The following CBR4 variants were observed in gnomAD, a reference collection of about 807,000 sequenced individuals.
CBR4 encodes 3-oxoacyl-[acyl-carrier-protein] reductase.
Under a neutral mutation model 21.0 loss-of-function variants are expected in CBR4, and 22 were observed. The ratio of observed to expected loss-of-function variants is 1.05; its 90% CI spans 0.75 to 1.50. CBR4 has a LOEUF of 1.50. Ranked by LOEUF, CBR4 falls within the 40% of genes most tolerant of loss-of-function variation. The pLI is 0.00. For synonymous variants in CBR4, 100 were observed against 104.4 expected (o/e 0.96, Z 0.26); for missense variants, 302 against 286.3 (o/e 1.05, Z -0.40).
At chr4:168,903,671 C>A in intron 2 of CBR4, 5 of 1,132,812 alleles carry the variant, frequency 4.4e-6, no homozygotes, top group South Asian at 3.7e-5. Flanking sequence ...ATCAGCTCTG[C>A]AAACCACACT....
Position 169,002,212 on chromosome 4 carries a change from CAAAAAAAAAAAAAA to C in CBR4, c.401-21_401-8del, listed in dbSNP as rs60552620. On this transcript the variant is annotated splice_region_variant and splice_polypyrimidine_tract_variant and intron_variant, in intron 3 of 4. Coordinates refer to ENST00000306193, the MANE Select transcript of CBR4 (RefSeq NM_032783.5). ...TTTAAGCCAACAATGCTTCCTAGGA[CAAAAAAAAAAAAAA>C]AAAAAAAAAAAGCGTATTAAATTCA... 147 of 1,016,946 alleles carry C rather than the reference CAAAAAAAAAAAAAA, an allele frequency of 1.4e-4. 1 individual carries two copies. The African/African-American group carries it at 3.3e-3, about 23-fold the overall frequency. 63.0% of individuals were successfully genotyped at this position (1,016,946 alleles called of 1,614,324 possible). A position where few individuals can be genotyped will look rare whatever the true frequency, so the allele number is the denominator to read the frequency against.
chr4:168,896,853 T>C (rs1314145927), intron 2 of CBR4, among the ~76,000 whole-genome samples: 1 of 152,072 alleles, frequency 6.6e-6, no homozygotes, highest in African/African-American at 2.4e-5. Flanking sequence ...TATTTTGAGA[T>C]GGAGTTTCGC....
intron 4 of CBR4, among the ~76,000 whole-genome samples, chr4:168,995,645 G>C (rs905282150): frequency 1.3e-5 from 2 of 152,004 alleles, no homozygotes; most frequent in Non-Finnish European, 2.9e-5. Flanking sequence ...TGGAAATTTT[G>C]CTCTACTCCC....
chr4:168,900,184 T>A (rs1756190420), intron 2 of CBR4, among the ~76,000 whole-genome samples: 1 of 152,116 alleles, frequency 6.6e-6, no homozygotes, highest in South Asian at 2.1e-4. Flanking sequence ...GCTAAACCAT[T>A]CATGAGGGAT....
intron 2 of CBR4, among the ~76,000 whole-genome samples, chr4:168,964,806 T>C (rs1763969273): frequency 6.6e-6 from 1 of 152,226 alleles, no homozygotes; most frequent in Non-Finnish European, 1.5e-5. Flanking sequence ...AAATATTTAT[T>C]GTGCAAGTAT....
chr4:168,992,551 G>A (rs545722459), intron 4 of CBR4, among the ~76,000 whole-genome samples: 3 of 152,084 alleles, frequency 2.0e-5, no homozygotes, highest in Admixed American at 1.3e-4. Context: ...TGCTATAGAA[G>A]GATACTTAAA....
chr4:168,986,621 C>T (rs747848777), downstream of CBR4, among the ~76,000 whole-genome samples: 23 of 152,110 alleles, frequency 1.5e-4, no homozygotes, highest in East Asian at 3.9e-4. Flanking sequence ...ATAAATATTT[C>T]GTGAATGAAT....
At position 169,002,085 on chromosome 4, in the gene CBR4, T is replaced by G. The variant is rs772380002; in HGVS notation, c.521A>C (p.Asn174Thr). Residue 174 changes from asparagine to threonine, a missense_variant, in exon 4 of 5, where the codon AAT (asparagine) becomes ACT (threonine). Transcript: ENST00000306193. ...KEVARKKIRVNVVAPGFVHTD... is the reference protein window; with the variant it reads ...KEVARKKIRVTVVAPGFVHTD... ...TTTTCACTAACCTGGTGCAACTACA[T>G]TCACTCTAATTTTCTTTCTTGCTAC... 1 of 1,585,786 alleles carries G rather than the reference T, an allele frequency of 6.3e-7. No homozygotes were observed. The highest frequency in any genetic ancestry group is 1.2e-5 in the South Asian group (1 of 85,188).
chr4:168,963,689 C>T (rs1188102406), intron 2 of CBR4, among the ~76,000 whole-genome samples: 4 of 151,874 alleles, frequency 2.6e-5, no homozygotes, highest in African/African-American at 9.7e-5. Context: ...AGGCTGGTCT[C>T]GAACTCCTTA....
intron 4 of CBR4, among the ~76,000 whole-genome samples, chr4:168,997,600 AT>A (rs1382602580): frequency 6.6e-6 from 1 of 152,180 alleles, no homozygotes; most frequent in Non-Finnish European, 1.5e-5. Context: ...TCTCAAAAAA[AT>A]TTTTAAACAA....
intron 2 of CBR4, among the ~76,000 whole-genome samples, chr4:168,949,664 A>T (rs1289547950): frequency 1.3e-5 from 2 of 152,064 alleles, no homozygotes; most frequent in African/African-American, 2.4e-5. Context: ...CTCTTTCTGT[A>T]TGTTGTGGAA....
intron 2 of CBR4, chr4:168,926,129 G>C (rs1762544010): frequency 8.6e-7 from 1 of 1,162,802 alleles, no homozygotes; most frequent in Admixed American, 2.8e-5. Flanking sequence ...CATCTATCTA[G>C]ACATTCTGTA....
chr4:168,907,161 G>A (rs561867912), intron 2 of CBR4, among the ~76,000 whole-genome samples: 1 of 152,006 alleles, frequency 6.6e-6, no homozygotes, highest in Non-Finnish European at 1.5e-5. Flanking sequence ...AATAGTACAT[G>A]TAAAAAGCAT....
intron 2 of CBR4, among the ~76,000 whole-genome samples, chr4:168,953,774 T>C (rs1173943068): frequency 6.6e-6 from 1 of 151,998 alleles, no homozygotes; most frequent in African/African-American, 2.4e-5. Context: ...TAGCCAAAGA[T>C]TGCCAAACAT....
rs1010885216 is a variant in CBR4 at position 169,010,058 on chromosome 4, G to A, written c.32C>T (p.Ser11Phe). 1.9e-6 allele frequency: 3 copies of A among 1,613,684 alleles called. No individual in the cohort carries two copies. The highest frequency in any genetic ancestry group is 1.7e-6 in the Non-Finnish European group (2 of 1,179,922). The change falls in exon 1 of 5, where the codon TCC becomes TTC. Residue 11 changes from serine to phenylalanine, a missense_variant. Coordinates refer to ENST00000306193, the MANE Select transcript of CBR4 (RefSeq NM_032783.5). The stretch of plus-strand genomic sequence containing the variant: ...GGCCACAGCTCTGCCAATGCCTCGG[G>A]AGCCTCCAAAAACAGCACACACTTT... MDKVCAVFGG[S>F]RGIGRAVAQL...
chr4:168,925,664 TTA>T (rs1376771038), intron 2 of CBR4, among the ~76,000 whole-genome samples: 1 of 152,164 alleles, frequency 6.6e-6, no homozygotes, highest in Non-Finnish European at 1.5e-5. Context: ...ACAATCAGCA[TTA>T]TGTTATCCAT....
chr4:168,943,930 CA>C (rs947021986), intron 2 of CBR4, among the ~76,000 whole-genome samples: 5 of 149,814 alleles, frequency 3.3e-5, no homozygotes, highest in African/African-American at 7.3e-5. Flanking sequence ...AAAACAAAAA[CA>C]AAAAACAAAA....
intron 2 of CBR4, chr4:168,896,715 T>A: frequency 3.0e-6 from 2 of 663,934 alleles, no homozygotes; most frequent in South Asian, 3.7e-5. Context: ...ATAAATGCTA[T>A]GACCAGTGTC....
chr4:168,955,268 T>A (rs1396287415), intron 2 of CBR4, among the ~76,000 whole-genome samples: 4 of 151,926 alleles, frequency 2.6e-5, no homozygotes, highest in Admixed American at 2.6e-4. Context: ...TTCTGAAAAA[T>A]CAAGAAATAT....
Sources: allele counts gnomAD v4.1 joint callset (sites outside exome capture counted in the v4.1 genomes callset), GRCh38; gene constraint gnomAD v4.1.1; transcripts MANE v1.5; gene names NCBI Gene and HGNC (gene_info 2026-07-23, HGNC 2026-07-21).